Variants in ZNF678 observed in about 807,000 individuals in gnomAD.
The protein encoded by ZNF678 is zinc finger protein 678.
A neutral mutation model predicts 3.0 loss-of-function variants in ZNF678; 5 were observed. That is an observed-to-expected ratio of 1.69 (90% CI 0.88 to 3.56). The LOEUF is 3.56. ZNF678 is among the 30% of genes most tolerant of loss of function. ZNF678 has a pLI of 0.00. For synonymous variants in ZNF678, 218 were observed against 199.6 expected (o/e 1.09, Z -0.78); for missense variants, 593 against 605.0 (o/e 0.98, Z 0.21).
intron 1 of ZNF678, among the ~76,000 whole-genome samples, chr1:227,590,335 G>T (rs1274831840): frequency 2.6e-5 from 4 of 151,708 alleles, no homozygotes; most frequent in Non-Finnish European, 5.9e-5. Context: ...TCTTTCAGCT[G>T]CTAGCAAGTA....
Position 227,655,717 on chromosome 1 carries a change from C to T in ZNF678, c.1467C>T (p.Tyr489=). The part of the protein sequence containing the change: ...HKRIHTGEKR[Y]KCKECGKGFY... ...GAATTCATACTGGAGAGAAACGCTA[C>T]AAATGTAAAGAATGTGGAAAAGGTT... The change falls in exon 4 of 4, where the codon TAC becomes TAT. Residue 489 remains tyrosine, a synonymous_variant. Transcript: ENST00000343776. 3 of 1,612,636 alleles carry T rather than the reference C, an allele frequency of 1.9e-6. No homozygotes were observed. The highest frequency in any genetic ancestry group is 2.5e-6 in the Non-Finnish European group (3 of 1,179,144).
intron 1 of ZNF678, among the ~76,000 whole-genome samples, chr1:227,586,961 G>C (rs1375241271): frequency 6.6e-6 from 1 of 152,180 alleles, no homozygotes. Flanking sequence ...TGGGGTGATA[G>C]GCTGCACCTA....
intron 5 of ZNF678, among the ~76,000 whole-genome samples, chr1:227,676,828 A>G (rs568401402): frequency 4.7e-4 from 72 of 152,216 alleles, no homozygotes; most frequent in African/African-American, 1.6e-3. Context: ...AGCTTCATCC[A>G]TGTCCCTACA....
chr1:227,630,786 G>A (rs1658529016), intron 1 of ZNF678, among the ~76,000 whole-genome samples: 1 of 152,174 alleles, frequency 6.6e-6, no homozygotes, highest in Non-Finnish European at 1.5e-5. Flanking sequence ...GTCCTTATTA[G>A]TTGGGGAAGG....
intron 1 of ZNF678, among the ~76,000 whole-genome samples, chr1:227,624,560 A>T (rs182013331): frequency 8.5e-5 from 13 of 152,240 alleles, no homozygotes; most frequent in Admixed American, 5.2e-4. Flanking sequence ...ATGGTGGTGG[A>T]CCACTCCCAA....
At chr1:227,672,094 C>T (rs1280649663) in intron 5 of ZNF678, among the ~76,000 whole-genome samples, 1 of 151,964 alleles carries the variant, frequency 6.6e-6, no homozygotes, top group Non-Finnish European at 1.5e-5. Context: ...GTTTTGTTTG[C>T]CTGACATTGG....
intron 1 of ZNF678, among the ~76,000 whole-genome samples, chr1:227,646,242 T>C (rs1658952503): frequency 6.6e-6 from 1 of 152,238 alleles, no homozygotes; most frequent in South Asian, 2.1e-4. Flanking sequence ...CTGAGAAATT[T>C]ATCCAGCTTA....
chr1:227,571,241 AC>A (rs1656833060), intron 1 of ZNF678, among the ~76,000 whole-genome samples: 1 of 152,240 alleles, frequency 6.6e-6, no homozygotes, highest in African/African-American at 2.4e-5. Flanking sequence ...GCCATACACC[AC>A]AGGGCAATGA....
intron 1 of ZNF678, among the ~76,000 whole-genome samples, chr1:227,625,190 T>A (rs113828631): frequency 0.011 from 1,638 of 152,226 alleles, 34 homozygotes; most frequent in African/African-American, 0.038. Flanking sequence ...ACAAGCCCCG[T>A]GTTTAAAGGT....
chr1:227,602,243 T>C (rs1657754904), intron 1 of ZNF678, among the ~76,000 whole-genome samples: 1 of 152,234 alleles, frequency 6.6e-6, no homozygotes, highest in African/African-American at 2.4e-5. Flanking sequence ...TTTGATAATT[T>C]GCCAGATTAT....
chr1:227,652,810 A>T (rs1659121789), intron 3 of ZNF678, among the ~76,000 whole-genome samples: 1 of 152,252 alleles, frequency 6.6e-6, no homozygotes, highest in African/African-American at 2.4e-5. Flanking sequence ...CATCATTCTA[A>T]AACTACAGAA....
Position 227,656,950 on chromosome 1 carries a change from G to T in ZNF678, c.*1122G>T, listed in dbSNP as rs1166144933. ...AATACACTACTGGGTAACAGTGAAAGGACACCTCTAGTAATCTCTTTTCCC... is the reference window on the plus strand; with the variant it reads ...AATACACTACTGGGTAACAGTGAAATGACACCTCTAGTAATCTCTTTTCCC... On this transcript the variant is annotated 3_prime_UTR_variant, in exon 4 of 4. Coordinates refer to ENST00000343776, the MANE Select transcript of ZNF678 (RefSeq NM_001367909.1). The T allele has an allele frequency of 4.6e-5, 7 of 151,894 alleles. No homozygotes were observed. The highest frequency in any genetic ancestry group is 1.7e-4 in the African/African-American group (7 of 41,394). The allele number at this position is 151,894 out of a possible 1,614,324, so 9.4% of individuals were successfully genotyped here.
intron 2 of ZNF678, among the ~76,000 whole-genome samples, chr1:227,648,967 G>T (rs1051939750): frequency 4.6e-5 from 7 of 152,188 alleles, no homozygotes; most frequent in Non-Finnish European, 5.9e-5. Flanking sequence ...TACAGTATCT[G>T]CCTTTTGGTG....
intron 1 of ZNF678, among the ~76,000 whole-genome samples, chr1:227,569,328 A>C (rs1464520207): frequency 6.6e-6 from 1 of 152,164 alleles, no homozygotes; most frequent in Non-Finnish European, 1.5e-5. Context: ...TGCTTCTTGA[A>C]ATATATGCAA....
chr1:227,612,687 A>C (rs1658049321), intron 1 of ZNF678, among the ~76,000 whole-genome samples: 1 of 152,152 alleles, frequency 6.6e-6, no homozygotes, highest in Admixed American at 6.5e-5. Context: ...TATTCAACTC[A>C]GTTGCTTAAG....
chr1:227,666,317 A>G (rs1404081765), downstream of ZNF678, among the ~76,000 whole-genome samples: 2 of 152,176 alleles, frequency 1.3e-5, no homozygotes, highest in Non-Finnish European at 2.9e-5. Context: ...AATCACTGAC[A>G]GTATTATCTA....
chr1:227,660,594 A>T lies in ZNF678; in HGVS notation c.*4766A>T, dbSNP rs1659379331. 6.6e-6 allele frequency: 1 copy of T among 152,096 alleles called. No homozygotes were observed. Among genetic ancestry groups the T allele is most frequent in the South Asian group, 2.1e-4 (1 of 4,828 alleles). 9.4% of individuals were successfully genotyped at this position (152,096 alleles called of 1,614,324 possible). On this transcript the variant is annotated 3_prime_UTR_variant, in exon 4 of 4. Coordinates refer to ENST00000343776, the MANE Select transcript of ZNF678 (RefSeq NM_001367909.1). ...TCTTGATTTTGTATCCTGCAACTTTAGTGAATTTATTCTAAGTATTTTTAA... is the reference window on the plus strand; with the variant it reads ...TCTTGATTTTGTATCCTGCAACTTTTGTGAATTTATTCTAAGTATTTTTAA...
downstream of ZNF678, among the ~76,000 whole-genome samples, chr1:227,678,499 C>T (rs1215226888): frequency 2.0e-5 from 3 of 152,164 alleles, no homozygotes; most frequent in Non-Finnish European, 4.4e-5. Flanking sequence ...TGGGAGAACT[C>T]TCAACTTCTG....
chr1:227,677,981 A>G (rs1198116656), downstream of ZNF678, among the ~76,000 whole-genome samples: 1 of 152,228 alleles, frequency 6.6e-6, no homozygotes, highest in African/African-American at 2.4e-5. Flanking sequence ...GGATATATGC[A>G]TTAGGGGCAG....
Sources: gnomAD v4.1 joint callset for allele counts (sites outside exome capture counted in the v4.1 genomes callset) on GRCh38, gnomAD v4.1.1 for gene constraint, MANE v1.5 for transcripts, NCBI Gene and HGNC (gene_info 2026-07-23, HGNC 2026-07-21) for gene names.